The following TTC28 variants were observed in gnomAD, a reference collection of about 807,000 sequenced individuals.
The protein encoded by TTC28 is tetratricopeptide repeat protein 28.
In TTC28, 61 loss-of-function variants were observed where a neutral mutation model predicts 198.0. The ratio of observed to expected loss-of-function variants is 0.31; its 90% CI spans 0.25 to 0.38. TTC28 has a LOEUF of 0.38. TTC28 is among the 10% of genes least tolerant of loss of function. The pLI, the probability that TTC28 is intolerant of heterozygous loss-of-function variation, is 1.00. For missense variants in TTC28, 2,678 were observed against 3,164.0 expected, an observed-to-expected ratio of 0.85 and a Z score of 3.69; for synonymous variants, 1,171 against 1,297.8, an observed-to-expected ratio of 0.90 and a Z score of 2.10.
chr22:28,074,894 G>C (rs1020091184), intron 12 of TTC28, among the ~76,000 whole-genome samples: 7 of 152,160 alleles, frequency 4.6e-5, no homozygotes. Context: ...GAGGTCAGGA[G>C]TTTGAGACCA....
intron 5 of TTC28, among the ~76,000 whole-genome samples, chr22:28,163,861 G>A (rs1019186003): frequency 6.6e-6 from 1 of 152,214 alleles, no homozygotes; most frequent in Non-Finnish European, 1.5e-5. Flanking sequence ...CCTCACCTGG[G>A]AAGCACAAGG....
rs1040865709 is a variant in TTC28 at position 28,163,455 on chromosome 22, T to G, written c.1078A>C (p.Met360Leu). The G allele has an allele frequency of 1.3e-6, 2 of 1,551,594 alleles. No individual in the cohort carries two copies. The highest frequency in any genetic ancestry group is 1.7e-6 in the Non-Finnish European group (2 of 1,146,982). The change falls in exon 6 of 23, where the codon ATG (methionine) becomes CTG (leucine). Residue 360 changes from methionine (M) to leucine (L), a missense_variant. Met to Leu is a conservative substitution (Grantham distance 15). Coordinates refer to ENST00000397906, the MANE Select transcript of TTC28 (RefSeq NM_001145418.2). The part of the protein sequence containing the change: ...ELSEARELGN[M>L]GAVYIAMGDF... Reference sequence around the variant, plus strand: ...CCCATGGCAATATACACAGCTCCCATGTTGCCAAGTTCTCGGGCTTCAGAA... The same window carrying G: ...CCCATGGCAATATACACAGCTCCCAGGTTGCCAAGTTCTCGGGCTTCAGAA...
At chr22:28,189,580 A>AG (rs1924535127) in intron 5 of TTC28, among the ~76,000 whole-genome samples, 2 of 151,866 alleles carry the variant, frequency 1.3e-5, no homozygotes, top group African/African-American at 4.8e-5. Context: ...AAAACCAAAA[A>AG]GAAAAAAAAG....
intron 1 of TTC28, among the ~76,000 whole-genome samples, chr22:28,645,351 C>T (rs1296201563): frequency 2.0e-5 from 3 of 151,388 alleles, no homozygotes; most frequent in Non-Finnish European, 2.9e-5. Flanking sequence ...TAATTCAGGC[C>T]GGCGCGGTAG....
At chr22:28,290,478 CATT>C (rs1018846904) in intron 5 of TTC28, among the ~76,000 whole-genome samples, 2 of 152,174 alleles carry the variant, frequency 1.3e-5, no homozygotes, top group Middle Eastern at 3.4e-3. Context: ...ACAAAATTAT[CATT>C]ATCTTCAAAT....
intron 1 of TTC28, among the ~76,000 whole-genome samples, chr22:28,675,967 G>A (rs1188891378): frequency 6.6e-6 from 1 of 152,040 alleles, no homozygotes; most frequent in East Asian, 1.9e-4. Flanking sequence ...CGTGCCTGTA[G>A]TCTTAAACAA....
Position 28,030,126 on chromosome 22 carries a change from G to T in TTC28, c.4073+100C>A. 4 of 1,472,378 alleles carry T rather than the reference G, an allele frequency of 2.7e-6. No homozygotes were observed. The South Asian group carries it at 5.5e-5, about 20-fold the overall frequency. 91.2% of individuals were successfully genotyped at this position (1,472,378 alleles called of 1,614,324 possible). A position where few individuals can be genotyped will look rare whatever the true frequency, so the allele number is the denominator to read the frequency against. ...TGCTGCAAATGCATGACACGAGCCA[G>T]AAGCCTAACCAGCTGGAAGGAGCAT... On this transcript the variant is annotated intron_variant, in intron 13 of 22. Transcript: ENST00000397906.
rs1321687861 is a variant in TTC28, at chr22:28,306,661, A to G, written c.382-18T>C. ...AAGTATGCCTAGAAATAAAAGATAT[A>G]TAAGATATATAATGCCTGTGCTCCA... On this transcript the variant is annotated intron_variant, in intron 2 of 22. Coordinates refer to ENST00000397906, the MANE Select transcript of TTC28 (RefSeq NM_001145418.2). The G allele has an allele frequency of 4.5e-6, 7 of 1,550,562 alleles. No homozygotes were observed. Among genetic ancestry groups the G allele is most frequent in the Admixed American group, 3.9e-5 (2 of 50,974 alleles).
intron 2 of TTC28, among the ~76,000 whole-genome samples, chr22:28,491,873 A>C (rs940501812): frequency 1.9e-4 from 29 of 152,224 alleles, no homozygotes; most frequent in Non-Finnish European, 4.0e-4. Context: ...ATGTCCATCA[A>C]TGATAGACTG....
chr22:28,414,424 T>C (rs551959671), intron 2 of TTC28, among the ~76,000 whole-genome samples: 3 of 152,324 alleles, frequency 2.0e-5, no homozygotes, highest in East Asian at 1.9e-4. Context: ...AGACAGTTCT[T>C]GTCAGACCGA....
At chr22:28,446,204 G>C (rs950782372) in intron 2 of TTC28, among the ~76,000 whole-genome samples, 4 of 149,356 alleles carry the variant, frequency 2.7e-5, no homozygotes, top group African/African-American at 7.4e-5. Context: ...CTACTGCCTA[G>C]AACAGTGCCT....
chr22:28,467,729 C>T (rs2048042395), intron 2 of TTC28, among the ~76,000 whole-genome samples: 1 of 152,080 alleles, frequency 6.6e-6, no homozygotes, highest in Non-Finnish European at 1.5e-5. Flanking sequence ...TTTGTTATAT[C>T]AGAAAAGTGA....
At chr22:28,368,267 T>C (rs2046278852) in intron 2 of TTC28, among the ~76,000 whole-genome samples, 1 of 152,048 alleles carries the variant, frequency 6.6e-6, no homozygotes, top group Non-Finnish European at 1.5e-5. Flanking sequence ...ATGTGATACA[T>C]CATATTAATG....
intron 2 of TTC28, among the ~76,000 whole-genome samples, chr22:28,431,807 G>A (rs957283047): frequency 1.3e-5 from 2 of 151,856 alleles, no homozygotes; most frequent in African/African-American, 4.8e-5. Flanking sequence ...GTGAGACCTT[G>A]TCTCTACTAA....
At position 28,279,219 on chromosome 22, in the gene TTC28, GT is replaced by G. The variant is rs200121243; in HGVS notation, c.933+16978del. On this transcript the variant is annotated intron_variant, in intron 5 of 22. Coordinates refer to ENST00000397906, the MANE Select transcript of TTC28 (RefSeq NM_001145418.2). ...TATCTATACATCTTTTCATCAATCT[GT>G]TTTTTTGATACAATTTAAAGTAAGT... Among the ~76,000 whole-genome samples the G allele has an allele frequency of 1.3e-4, 20 of 151,930 alleles. No individual in the cohort carries two copies. The East Asian group carries it at 3.1e-3, about 24-fold the overall frequency.
chr22:28,185,260 C>CA (rs1305212096), intron 5 of TTC28, among the ~76,000 whole-genome samples: 1 of 152,168 alleles, frequency 6.6e-6, no homozygotes, highest in Non-Finnish European at 1.5e-5. Flanking sequence ...ACACAGAACT[C>CA]ACGGTCCCTC....
chr22:28,233,067 A>G (rs1189217809), intron 5 of TTC28, among the ~76,000 whole-genome samples: 1 of 151,822 alleles, frequency 6.6e-6, no homozygotes, highest in Non-Finnish European at 1.5e-5. Flanking sequence ...ACACCATTGC[A>G]CTCCAACCTA....
rs568358772 is a variant in TTC28 at position 28,083,683 on chromosome 22, G to A, written c.3932+10397C>T. Among the ~76,000 whole-genome samples, 78 of 152,338 alleles carry A rather than the reference G, an allele frequency of 5.1e-4. No individual in the cohort carries two copies. The South Asian group carries it at 7.5e-3, about 15-fold the overall frequency. On this transcript the variant is annotated intron_variant, in intron 12 of 22. Coordinates refer to ENST00000397906, the MANE Select transcript of TTC28 (RefSeq NM_001145418.2). ...GCAGGTGCAGGACAGCGGGTGCAGC[G>A]CACCGTGCATGAGATGAAGCAGGGC...
chr22:28,156,527 T>C (rs941672779), intron 6 of TTC28, among the ~76,000 whole-genome samples: 3 of 152,192 alleles, frequency 2.0e-5, no homozygotes, highest in African/African-American at 7.2e-5. Flanking sequence ...TAATTGGTTA[T>C]ACAGGAATAA....
Sources: allele counts gnomAD v4.1 joint callset (sites outside exome capture counted in the v4.1 genomes callset), GRCh38; gene constraint gnomAD v4.1.1; transcripts MANE v1.5; gene names NCBI Gene and HGNC (gene_info 2026-07-23, HGNC 2026-07-21).